Variants in SVIL observed in about 807,000 individuals in gnomAD.
SVIL encodes the protein archvillin.
In SVIL, 101 loss-of-function variants were observed where a neutral mutation model predicts 240.4. That is an observed-to-expected ratio of 0.42 (90% CI 0.36 to 0.50). The LOEUF (loss-of-function observed/expected upper bound fraction) is 0.50. Ranked by LOEUF, SVIL falls within the 20% of genes least tolerant of loss-of-function variation. SVIL has a pLI of 0.01. For synonymous variants in SVIL, 999 were observed against 1,100.0 expected (o/e 0.91, Z 1.82); for missense variants, 2,512 against 2,818.7 (o/e 0.89, Z 2.46).
chr10:29,573,968 T>G (rs1955568295), intron 1 of SVIL, among the ~76,000 whole-genome samples: 1 of 152,206 alleles, frequency 6.6e-6, no homozygotes, highest in African/African-American at 2.4e-5. Flanking sequence ...AGTGCTGGGA[T>G]TACAGGTGTG....
intron 17 of SVIL, among the ~76,000 whole-genome samples, chr10:29,505,491 A>T (rs544290814): frequency 6.6e-6 from 1 of 152,206 alleles, no homozygotes; most frequent in African/African-American, 2.4e-5. Context: ...ACCATGTGAC[A>T]GTAAAAAATG....
At chr10:29,683,008 G>T (rs1315000343) in intron 2 of SVIL, among the ~76,000 whole-genome samples, 1 of 152,196 alleles carries the variant, frequency 6.6e-6, no homozygotes, top group Non-Finnish European at 1.5e-5. Flanking sequence ...AGTGGCCAAG[G>T]GCCCATGACA....
intron 1 of SVIL, among the ~76,000 whole-genome samples, chr10:29,687,676 TAAAC>T (rs1961185127): frequency 6.6e-6 from 1 of 152,154 alleles, no homozygotes; most frequent in Non-Finnish European, 1.5e-5. Flanking sequence ...TCTTTCTCAA[TAAAC>T]AAACAAACAA....
At chr10:29,724,473 T>C (rs1209787415) in intron 1 of SVIL, among the ~76,000 whole-genome samples, 1 of 152,028 alleles carries the variant, frequency 6.6e-6, no homozygotes, top group African/African-American at 2.4e-5. Flanking sequence ...CTCAAGCATA[T>C]AATATGATTT....
At chr10:29,614,295 G>T (rs1258573020) in intron 1 of SVIL, among the ~76,000 whole-genome samples, 1 of 152,000 alleles carries the variant, frequency 6.6e-6, no homozygotes, top group South Asian at 2.1e-4. Context: ...ATTTGACCCA[G>T]CAATCCCATT....
At chr10:29,576,883 AT>A (rs200557508) in intron 1 of SVIL, among the ~76,000 whole-genome samples, 2 of 151,062 alleles carry the variant, frequency 1.3e-5, no homozygotes, top group South Asian at 2.1e-4. Context: ...AATGCAAATG[AT>A]TTTTTTTTGT....
intron 17 of SVIL, among the ~76,000 whole-genome samples, chr10:29,506,753 GAGGGGACAGAGGC>G (rs1949363343): frequency 6.6e-6 from 1 of 151,310 alleles, no homozygotes; most frequent in African/African-American, 2.4e-5. Flanking sequence ...GCCCTAGAGG[GAGGGGACAGAGGC>G]CCTAGAGGGA....
chr10:29,506,038 A>T (rs1301921845), intron 17 of SVIL, among the ~76,000 whole-genome samples: 1 of 152,130 alleles, frequency 6.6e-6, no homozygotes, highest in Non-Finnish European at 1.5e-5. Context: ...AGGTAATGTT[A>T]TGTAAATAGT....
chr10:29,655,013 C>T (rs1035521341), intron 3 of SVIL, among the ~76,000 whole-genome samples: 10 of 152,148 alleles, frequency 6.6e-5, no homozygotes, highest in South Asian at 2.1e-4. Context: ...ACACCAATCT[C>T]GTCCAGAAAC....
At chr10:29,711,030 G>C (rs1173754580) in intron 1 of SVIL, among the ~76,000 whole-genome samples, 6 of 152,288 alleles carry the variant, frequency 3.9e-5, no homozygotes, top group Admixed American at 3.3e-4. Context: ...AAAAACTAGA[G>C]GATTTGAGGG....
chr10:29,490,595 A>AG (rs1947857470), intron 22 of SVIL, among the ~76,000 whole-genome samples: 1 of 150,376 alleles, frequency 6.6e-6, no homozygotes, highest in Admixed American at 6.6e-5. Context: ...TAAAAAAAAA[A>AG]AAAAAAAACC....
At chr10:29,536,128 G>C in intron 6 of SVIL, 59 bp from the exon 7 acceptor site, 18 of 1,498,558 alleles carry the variant, frequency 1.2e-5, no homozygotes, top group Non-Finnish European at 1.6e-5. Flanking sequence ...CATATACACA[G>C]ACTTTACCAT....
chr10:29,487,215 T>C lies in SVIL; in HGVS notation c.4433A>G (p.His1478Arg), dbSNP rs567839588. The change falls in exon 24 of 38, where the codon CAC becomes CGC. Residue 1478 changes from histidine to arginine, a missense_variant. This residue lies in a region of SVIL where 272 missense variants were observed against 406.8 expected (regional missense o/e 0.67). Coordinates refer to ENST00000355867, the MANE Select transcript of SVIL (RefSeq NM_021738.3). Reference protein sequence around the residue: ...SGDCFLLLSPHCCFLWVGEFA... With the variant: ...SGDCFLLLSPRCCFLWVGEFA... Reference sequence around the variant, plus strand: ...CTCTCCTACCCACAGGAAGCAGCAGTGGGGAGAGAGCAGGAGGAAGCAGTC... The same window carrying C: ...CTCTCCTACCCACAGGAAGCAGCAGCGGGGAGAGAGCAGGAGGAAGCAGTC... 6.2e-7 allele frequency: 1 copy of C among 1,614,068 alleles called. No individual in the cohort carries two copies. The highest frequency in any genetic ancestry group is 2.2e-5 in the East Asian group (1 of 44,858).
At position 29,550,503 on chromosome 10, in the gene SVIL, A is replaced by G. The variant is rs1310524190; in HGVS notation, c.827+94T>C. 2.8e-5 allele frequency: 38 copies of G among 1,343,618 alleles called. 1 individual carries two copies. In the South Asian group the frequency reaches 5.0e-4, roughly 18 times the overall value. 83.2% of individuals were successfully genotyped at this position (1,343,618 alleles called of 1,614,324 possible). A position where few individuals can be genotyped will look rare whatever the true frequency, so the allele number is the denominator to read the frequency against. Reference sequence around the variant, plus strand: ...TTCTCCAATAAGCCTTGACTTCCACATAATGCTTAGAATAGCCAAACCCTA... The same window carrying G: ...TTCTCCAATAAGCCTTGACTTCCACGTAATGCTTAGAATAGCCAAACCCTA... On this transcript the variant is annotated intron_variant, in intron 6 of 37. Transcript: ENST00000355867.
chr10:29,673,069 A>G (rs1330601085), intron 2 of SVIL, among the ~76,000 whole-genome samples: 1 of 152,054 alleles, frequency 6.6e-6, no homozygotes, highest in Non-Finnish European at 1.5e-5. Context: ...ACCCACCGCC[A>G]CACCCAGCTA....
chr10:29,532,127 G>A lies in SVIL; in HGVS notation c.1884C>T (p.Thr628=), dbSNP rs746215122. Residue 628 remains threonine, a synonymous_variant, in exon 9 of 38, where the codon ACC becomes ACT. Transcript: ENST00000355867. The stretch of plus-strand genomic sequence containing the variant: ...GGGACCCTCTCTCCCGTTCCACACC[G>A]GTGGGCAAGCCAGGTCCTTCAGCCG... ...ERSAEGPGLP[T]GVERERGSRK... The A allele has an allele frequency of 2.4e-5, 39 of 1,613,882 alleles. No homozygotes were observed. Among genetic ancestry groups the A allele is most frequent in the East Asian group, 1.6e-4 (7 of 44,900 alleles).
chr10:29,653,132 A>G (rs1958893580), intron 3 of SVIL, among the ~76,000 whole-genome samples: 1 of 151,744 alleles, frequency 6.6e-6, no homozygotes, highest in African/African-American at 2.4e-5. Flanking sequence ...GCCCAGCCTG[A>G]TATGGTTTGG....
chr10:29,501,059 G>T (rs80313440), intron 17 of SVIL, among the ~76,000 whole-genome samples: 13,271 of 151,604 alleles, frequency 0.088, 671 homozygotes, highest in South Asian at 0.17. Flanking sequence ...TGATGAATCT[G>T]TCTTTCACAG....
intron 32 of SVIL, among the ~76,000 whole-genome samples, chr10:29,469,908 A>G (rs1434429776): frequency 6.6e-6 from 1 of 152,210 alleles, no homozygotes; most frequent in Non-Finnish European, 1.5e-5. Context: ...CTGGCAAACG[A>G]AAACTCCACA....
Sources: gnomAD v4.1 joint callset for allele counts (sites outside exome capture counted in the v4.1 genomes callset) on GRCh38, gnomAD v4.1.1 for gene constraint, gnomAD v4.1.1 regional missense constraint, MANE v1.5 for transcripts, NCBI Gene and HGNC (gene_info 2026-07-23, HGNC 2026-07-21) for gene names.